The following ADGRB3 variants were observed in gnomAD, a reference collection of about 807,000 sequenced individuals.
ADGRB3 encodes adhesion G protein-coupled receptor B3.
ADGRB3 carries 37 observed loss-of-function variants against 193.4 expected under a neutral mutation model. The observed-to-expected ratio is 0.19, with a 90% CI of 0.15 to 0.25. ADGRB3 has a LOEUF of 0.25. Ranked by LOEUF, ADGRB3 falls within the 10% of genes least tolerant of loss-of-function variation. The pLI, the probability that ADGRB3 is intolerant of heterozygous loss-of-function variation, is 1.00. For missense variants in ADGRB3, 1,637 were observed against 1,852.9 expected (o/e 0.88, Z 2.14); for synonymous variants, 690 against 644.2 (o/e 1.07, Z -1.08).
intron 3 of ADGRB3, among the ~76,000 whole-genome samples, chr6:68,806,766 G>T (rs773651208): frequency 1.3e-5 from 2 of 151,828 alleles, no homozygotes; most frequent in Admixed American, 1.3e-4. Flanking sequence ...AGAGTTATCT[G>T]CATGGTATTA....
chr6:69,173,020 G>GGTTTTTGTTTTT (rs1236809818), intron 17 of ADGRB3, among the ~76,000 whole-genome samples: 2 of 107,192 alleles, frequency 1.9e-5, no homozygotes, highest in East Asian at 4.0e-4. Context: ...GTGGGGTTTT[G>GGTTTTTGTTTTT]GTTTTTGTTT....
chr6:68,862,417 C>A lies in ADGRB3; in HGVS notation c.758-68142C>A, dbSNP rs1002796781. Among the ~76,000 whole-genome samples the A allele has an allele frequency of 6.6e-5, 10 of 152,146 alleles. No individual in the cohort carries two copies. The East Asian group carries it at 1.9e-3, about 29-fold the overall frequency. On this transcript the variant is annotated intron_variant, in intron 3 of 31. Transcript: ENST00000370598. ...GTTTCATCCTTAATGTTTCATTACA[C>A]AAGCAATAACAGTTCAGGAGGAAGT... is the stretch of plus-strand genomic sequence containing the variant.
intron 13 of ADGRB3, among the ~76,000 whole-genome samples, chr6:69,034,495 T>C (rs188005522): frequency 1.3e-4 from 20 of 149,836 alleles, no homozygotes; most frequent in Admixed American, 1.2e-3. Context: ...TTGGTTGATA[T>C]GCTCTTTTTA....
At chr6:68,813,998 A>G (rs1158381277) in intron 3 of ADGRB3, among the ~76,000 whole-genome samples, 1 of 152,204 alleles carries the variant, frequency 6.6e-6, no homozygotes, top group East Asian at 1.9e-4. Flanking sequence ...GCTATTGTGA[A>G]TAGTGCCACA....
chr6:69,264,142 A>G (rs990814602), intron 20 of ADGRB3, among the ~76,000 whole-genome samples: 9 of 152,010 alleles, frequency 5.9e-5, no homozygotes, highest in African/African-American at 2.2e-4. Context: ...GGAGAAAACT[A>G]TATCCAATTA....
intron 3 of ADGRB3, among the ~76,000 whole-genome samples, chr6:68,900,810 G>T (rs1387116776): frequency 6.6e-6 from 1 of 152,056 alleles, no homozygotes; most frequent in Non-Finnish European, 1.5e-5. Context: ...CATCATAGAA[G>T]GAACAGTGCT....
intron 26 of ADGRB3, among the ~76,000 whole-genome samples, chr6:69,353,847 T>G (rs900778026): frequency 5.9e-5 from 9 of 152,128 alleles, no homozygotes; most frequent in Non-Finnish European, 2.9e-5. Context: ...GCAGATCACC[T>G]GAGGTCAGAA....
intron 13 of ADGRB3, among the ~76,000 whole-genome samples, chr6:69,040,337 C>CT (rs1377345240): frequency 2.0e-5 from 1 of 49,224 alleles, no homozygotes; most frequent in African/African-American, 6.1e-5. Context: ...TTCTTTCTTT[C>CT]TTTCTTTCTT....
At chr6:68,907,185 T>C (rs1051245219) in intron 3 of ADGRB3, among the ~76,000 whole-genome samples, 1 of 151,956 alleles carries the variant, frequency 6.6e-6, no homozygotes, top group Non-Finnish European at 1.5e-5. Context: ...TTATACTTTG[T>C]TTTTACTAAA....
intron 3 of ADGRB3, among the ~76,000 whole-genome samples, chr6:68,656,760 A>G (rs1484990668): frequency 6.6e-6 from 1 of 151,466 alleles, no homozygotes. Flanking sequence ...TCATATTCAC[A>G]TATTTCAGAG....
At chr6:68,865,897 G>A (rs967675977) in intron 3 of ADGRB3, among the ~76,000 whole-genome samples, 1 of 152,096 alleles carries the variant, frequency 6.6e-6, no homozygotes, top group African/African-American at 2.4e-5. Flanking sequence ...ACCATGGCCA[G>A]GAGAAGAAAT....
chr6:68,701,278 A>G (rs114722633), intron 3 of ADGRB3, among the ~76,000 whole-genome samples: 1 of 152,162 alleles, frequency 6.6e-6, no homozygotes, highest in African/African-American at 2.4e-5. Context: ...TCGATATTTC[A>G]TAGCCACTGA....
intron 3 of ADGRB3, among the ~76,000 whole-genome samples, chr6:68,792,438 A>T (rs1021910585): frequency 5.3e-5 from 8 of 152,166 alleles, no homozygotes; most frequent in Non-Finnish European, 1.2e-4. Context: ...GTAGGTACTT[A>T]GTTTCTTGCT....
intron 17 of ADGRB3, among the ~76,000 whole-genome samples, chr6:69,219,226 A>G (rs1285399854): frequency 2.0e-5 from 3 of 151,744 alleles, no homozygotes; most frequent in African/African-American, 2.4e-5. Flanking sequence ...TTCACTAGGA[A>G]GAGTTTGGAA....
chr6:69,262,271 C>A (rs1385159234), intron 20 of ADGRB3, among the ~76,000 whole-genome samples: 1 of 151,954 alleles, frequency 6.6e-6, no homozygotes, highest in African/African-American at 2.4e-5. Flanking sequence ...CACTTTGTTT[C>A]GTTTTTTTCT....
chr6:68,877,383 T>A (rs1241824901), intron 3 of ADGRB3, among the ~76,000 whole-genome samples: 2 of 72,274 alleles, frequency 2.8e-5, no homozygotes, highest in South Asian at 9.2e-4. Context: ...AATTTAGGAT[T>A]TTTTTTTTAT....
At chr6:68,922,558 A>C (rs1314601494) in intron 3 of ADGRB3, among the ~76,000 whole-genome samples, 1 of 152,122 alleles carries the variant, frequency 6.6e-6, no homozygotes, top group Non-Finnish European at 1.5e-5. Context: ...GTCTTCTACA[A>C]CTCTTGGTCT....
chr6:69,296,754 G>T (rs1767828034), intron 20 of ADGRB3, among the ~76,000 whole-genome samples: 1 of 152,052 alleles, frequency 6.6e-6, no homozygotes, highest in Non-Finnish European at 1.5e-5. Context: ...GAGGGAGATA[G>T]AGACCAAGAC....
intron 17 of ADGRB3, among the ~76,000 whole-genome samples, chr6:69,116,467 T>C (rs960604919): frequency 1.3e-5 from 2 of 152,128 alleles, no homozygotes; most frequent in Admixed American, 6.5e-5. Context: ...TATGAGGAGA[T>C]TGGACATGAA....
Sources: allele counts gnomAD v4.1 joint callset (sites outside exome capture counted in the v4.1 genomes callset), GRCh38; gene constraint gnomAD v4.1.1; transcripts MANE v1.5; gene names NCBI Gene and HGNC (gene_info 2026-07-23, HGNC 2026-07-21).